Variants in CACNA1C observed in about 807,000 individuals in gnomAD.
The protein encoded by CACNA1C is calcium voltage-gated channel subunit alpha1 C, also known as voltage-dependent L-type calcium channel subunit alpha-1C.
CACNA1C carries 30 observed loss-of-function variants against 229.0 expected under a neutral mutation model. The ratio of observed to expected loss-of-function variants is 0.13; its 90% CI spans 0.10 to 0.18. The LOEUF (loss-of-function observed/expected upper bound fraction) is 0.18, where lower values mean the gene tolerates loss of function less well. CACNA1C is among the 10% of genes least tolerant of loss of function. The probability of loss-of-function intolerance (pLI) is 1.00; values close to 1 mark genes in which losing one functional copy is unlikely to be tolerated. For synonymous variants in CACNA1C, 1,114 were observed against 1,132.5 expected, an observed-to-expected ratio of 0.98 and a Z score of 0.33; for missense variants, 1,658 against 2,845.0, an observed-to-expected ratio of 0.58 and a Z score of 9.49.
intron 3 of CACNA1C, among the ~76,000 whole-genome samples, chr12:2,385,378 A>C (rs577353349): frequency 2.6e-5 from 4 of 152,018 alleles, no homozygotes; most frequent in Admixed American, 2.6e-4. Flanking sequence ...GATAGGAAAA[A>C]AAAAAAATGA....
At chr12:2,559,344 G>A (rs1164317921) in intron 11 of CACNA1C, among the ~76,000 whole-genome samples, 1 of 152,248 alleles carries the variant, frequency 6.6e-6, no homozygotes, top group African/African-American at 2.4e-5. Flanking sequence ...TGTGTCTCGA[G>A]TTAGAGATTG....
chr12:2,460,681 C>T (rs1158555459), intron 5 of CACNA1C, among the ~76,000 whole-genome samples: 1 of 152,186 alleles, frequency 6.6e-6, no homozygotes, highest in East Asian at 1.9e-4. Flanking sequence ...GCAAGGCCCT[C>T]ATGTTACCTG....
chr12:2,136,484 C>G (rs957246857), intron 3 of CACNA1C, among the ~76,000 whole-genome samples: 8 of 151,330 alleles, frequency 5.3e-5, no homozygotes, highest in Admixed American at 4.6e-4. Flanking sequence ...TGTGTGGCCC[C>G]CAACTAAGGT....
rs550327925 is a variant in CACNA1C, at chr12:2,647,438, A to G, written c.3913-1037A>G. Among the ~76,000 whole-genome samples, 13 of 152,356 alleles carry G rather than the reference A, an allele frequency of 8.5e-5. No individual in the cohort carries two copies. The highest frequency in any genetic ancestry group is 1.5e-4 in the Non-Finnish European group (10 of 68,034). On this transcript the variant is annotated intron_variant, in intron 30 of 46. Transcript: ENST00000399655. This position sits in a 1 kb window ranked among gnomAD's most constrained non-coding sequence, Gnocchi z 4.2. ...GTTCAGCAGTCAGACCCGTGAGAAC[A>G]GCTTCCTGGGGTGTTAGTGTCCTAA...
At chr12:2,615,293 C>G (rs112015947) in intron 29 of CACNA1C, among the ~76,000 whole-genome samples, 1 of 152,158 alleles carries the variant, frequency 6.6e-6, no homozygotes, top group Non-Finnish European at 1.5e-5. Flanking sequence ...TGAACTGAAG[C>G]TTGTCAGCAA....
At chr12:2,159,991 T>C (rs2095765869) in intron 3 of CACNA1C, among the ~76,000 whole-genome samples, 1 of 152,240 alleles carries the variant, frequency 6.6e-6, no homozygotes, top group Non-Finnish European at 1.5e-5. Flanking sequence ...TGTTATGTGC[T>C]GGGCATTGAG....
At chr12:2,338,079 C>G (rs1247331585) in intron 3 of CACNA1C, among the ~76,000 whole-genome samples, 1 of 152,132 alleles carries the variant, frequency 6.6e-6, no homozygotes, top group East Asian at 1.9e-4. Flanking sequence ...CCTACACTCC[C>G]CCTCACTACC....
chr12:2,212,539 A>T (rs1019842266), intron 3 of CACNA1C, among the ~76,000 whole-genome samples: 3 of 152,236 alleles, frequency 2.0e-5, no homozygotes, highest in Non-Finnish European at 4.4e-5. Flanking sequence ...TTTTTTGAGA[A>T]TAGAGAGTTA....
At chr12:2,030,267 TA>T (rs1854966309) in intron 1 of CACNA1C, among the ~76,000 whole-genome samples, 1 of 152,226 alleles carries the variant, frequency 6.6e-6, no homozygotes, top group Admixed American at 6.5e-5. Flanking sequence ...ATTCCTTTTT[TA>T]AGCTTGGATC....
Position 2,493,407 on chromosome 12 carries a change from G to T in CACNA1C, c.1113+21G>T. On this transcript the variant is annotated intron_variant, in intron 7 of 46. Coordinates refer to ENST00000399655, the MANE Select transcript of CACNA1C (RefSeq NM_000719.7). The surrounding 1 kb of genome is among the most constrained non-coding windows in gnomAD (Gnocchi z 4.6). ...ACTGGGTACGTAGCATGAGTGGGCAGTCAGAGGGTGGGGGAACAGCGGCCG... is the reference window on the plus strand; with the variant it reads ...ACTGGGTACGTAGCATGAGTGGGCATTCAGAGGGTGGGGGAACAGCGGCCG... 1.4e-5 allele frequency: 23 copies of T among 1,589,456 alleles called. No individual in the cohort carries two copies. The highest frequency in any genetic ancestry group is 2.0e-5 in the Non-Finnish European group (23 of 1,158,648).
chr12:2,439,859 T>C (rs1224281595), intron 3 of CACNA1C, among the ~76,000 whole-genome samples: 2 of 152,182 alleles, frequency 1.3e-5, no homozygotes, highest in African/African-American at 2.4e-5. Context: ...TTAGTGGTTT[T>C]CCCTGTCCTT....
intron 3 of CACNA1C, among the ~76,000 whole-genome samples, chr12:2,365,029 C>T (rs1458602498): frequency 1.3e-5 from 2 of 152,244 alleles, no homozygotes; most frequent in African/African-American, 4.8e-5. Context: ...GCAGACGCTG[C>T]CACAAAGGAA....
intron 3 of CACNA1C, among the ~76,000 whole-genome samples, chr12:2,420,024 G>A (rs780538007): frequency 3.9e-5 from 6 of 151,926 alleles, no homozygotes; most frequent in Non-Finnish European, 7.4e-5. Context: ...TTCGTAATGG[G>A]GTCACTTTGG....
At position 2,410,140 on chromosome 12, in the gene CACNA1C, G is replaced by GC. The variant is rs754544733; in HGVS notation, c.478-38835dup. ...TTTAGCTGTCAGCCTTGGATGGTGGGCTCATGCATTCTGTTCCCACTCCAA... is the reference window on the plus strand; with the variant it reads ...TTTAGCTGTCAGCCTTGGATGGTGGGCCTCATGCATTCTGTTCCCACTCCAA... On this transcript the variant is annotated intron_variant, in intron 3 of 46. Coordinates refer to ENST00000399655, the MANE Select transcript of CACNA1C (RefSeq NM_000719.7). The surrounding 1 kb of genome is among the most constrained non-coding windows in gnomAD (Gnocchi z 5.3). Among the ~76,000 whole-genome samples, 15 of 152,196 alleles carry GC rather than the reference G, an allele frequency of 9.9e-5. No homozygotes were observed. The highest frequency in any genetic ancestry group is 3.3e-4 in the Admixed American group (5 of 15,276).
intron 3 of CACNA1C, among the ~76,000 whole-genome samples, chr12:2,172,704 G>C (rs1490003508): frequency 5.9e-5 from 9 of 152,210 alleles, no homozygotes; most frequent in Admixed American, 5.9e-4. Context: ...AATAGTGATA[G>C]GATTAGGGAA....
At chr12:2,105,680 C>T (rs201353075) in intron 1 of CACNA1C, among the ~76,000 whole-genome samples, 371 of 33,304 alleles carry the variant, frequency 0.011, 1 homozygote, top group East Asian at 0.029. Flanking sequence ...AGCCACTGGG[C>T]GCCCACCCCG....
At position 2,633,646 on chromosome 12, in the gene CACNA1C, C is replaced by T. The variant is rs1317691881; in HGVS notation, c.3829-651C>T. 1 of 1,606,942 alleles carries T rather than the reference C, an allele frequency of 6.2e-7. No homozygotes were observed. The highest frequency in any genetic ancestry group is 1.3e-5 in the African/African-American group (1 of 74,750). On this transcript the variant is annotated intron_variant, in intron 29 of 46. Coordinates refer to ENST00000399655, the MANE Select transcript of CACNA1C (RefSeq NM_000719.7). This position sits in a 1 kb window ranked among gnomAD's most constrained non-coding sequence, Gnocchi z 5.8. ...TTATGTAGGGTTACTTTAGTGATCC[C>T]TGGAATGTTTTTGACTTCCTCATCG...
At chr12:2,481,710 G>T (rs2099676406) in intron 5 of CACNA1C, among the ~76,000 whole-genome samples, 1 of 152,220 alleles carries the variant, frequency 6.6e-6, no homozygotes, top group Admixed American at 6.5e-5. Context: ...AAATTTTCCA[G>T]TAGAGCTCTC....
At chr12:1,980,585 T>A (rs1281481480) in intron 1 of CACNA1C, among the ~76,000 whole-genome samples, 1 of 151,796 alleles carries the variant, frequency 6.6e-6, no homozygotes, top group Non-Finnish European at 1.5e-5. Flanking sequence ...TTTGATGAAA[T>A]TTTTACTTTT....
Sources: gnomAD v4.1 joint callset for allele counts (sites outside exome capture counted in the v4.1 genomes callset) on GRCh38, gnomAD v4.1.1 for gene constraint, Gnocchi (gnomAD v3.1) non-coding constraint, MANE v1.5 for transcripts, NCBI Gene and HGNC (gene_info 2026-07-23, HGNC 2026-07-21) for gene names.